The following TEX14 variants were observed in gnomAD, a reference collection of about 807,000 sequenced individuals.
TEX14 encodes testis expressed 14, intercellular bridge forming factor, also known as inactive serine/threonine-protein kinase TEX14.
A neutral mutation model predicts 178.6 loss-of-function variants in TEX14; 168 were observed. The ratio of observed to expected loss-of-function variants is 0.94; its 90% CI spans 0.83 to 1.07. The LOEUF (loss-of-function observed/expected upper bound fraction) is 1.07. Ranked by LOEUF, TEX14 falls within the 50% of genes least tolerant of loss-of-function variation. The pLI, the probability that TEX14 is intolerant of heterozygous loss-of-function variation, is 0.00. For synonymous variants in TEX14, 626 were observed against 634.1 expected (o/e 0.99, Z 0.19); for missense variants, 1,730 against 1,753.6 (o/e 0.99, Z 0.24).
intron 1 of TEX14, among the ~76,000 whole-genome samples, chr17:58,672,965 C>G (rs1013346647): frequency 6.6e-6 from 1 of 151,854 alleles, no homozygotes; most frequent in African/African-American, 2.4e-5. Flanking sequence ...CTCCTGACCT[C>G]AAGTGATCTG....
At chr17:58,609,156 C>A (rs1313442766) in intron 10 of TEX14, among the ~76,000 whole-genome samples, 6 of 152,168 alleles carry the variant, frequency 3.9e-5, no homozygotes, top group Non-Finnish European at 8.8e-5. Flanking sequence ...GTCGCCCAGG[C>A]TGGAGTGCAG....
chr17:58,597,736 T>C (rs1173439793), intron 14 of TEX14, among the ~76,000 whole-genome samples: 1 of 152,160 alleles, frequency 6.6e-6, no homozygotes, highest in Non-Finnish European at 1.5e-5. Flanking sequence ...CTTGTTCAAA[T>C]TCATTAATTC....
intron 1 of TEX14, chr17:58,660,812 C>A: frequency 2.6e-6 from 2 of 782,422 alleles, no homozygotes; most frequent in East Asian, 4.8e-5. Flanking sequence ...GGAAGCCAGA[C>A]TTGGATAGCC....
At chr17:58,595,744 T>G (rs1483288943) in intron 14 of TEX14, among the ~76,000 whole-genome samples, 3 of 152,214 alleles carry the variant, frequency 2.0e-5, no homozygotes, top group African/African-American at 7.2e-5. Flanking sequence ...AATGGCCATG[T>G]GGAACAGAAG....
intron 16 of TEX14, 79 bp downstream of exon 16, chr17:58,587,817 C>T: frequency 7.7e-7 from 1 of 1,294,198 alleles, no homozygotes; most frequent in Non-Finnish European, 1.1e-6. Context: ...TGCACTGACC[C>T]CTTTGCACCA....
chr17:58,631,152 G>T, intron 2 of TEX14: 1 of 984,874 alleles, frequency 1.0e-6, no homozygotes, highest in Non-Finnish European at 1.2e-6. Context: ...AAAACACCAA[G>T]AAATACAAAA....
At position 58,611,252 on chromosome 17, in the gene TEX14, C is replaced by G. The variant is rs202097168; in HGVS notation, c.1093G>C (p.Gly365Arg). Residue 365 changes from glycine to arginine, a missense_variant, in exon 10 of 32, where the codon GGG becomes CGG. By Grantham distance (125) the Gly-to-Arg change is moderately radical. This residue lies in a region of TEX14 where 789 missense variants were observed against 681.2 expected (regional missense o/e 1.16). Transcript: ENST00000349033. The part of the protein sequence containing the change: ...SDALRYLHFQ[G>R]FIHRSLSSYA... ...GAGCTGAGGGAGCGGTGGATAAACC[C>G]CTGGAAATGCAGGTATCTCAGGGCA... The G allele has an allele frequency of 5.0e-6, 8 of 1,613,590 alleles. No homozygotes were observed. In the African/African-American group the frequency reaches 1.1e-4, roughly 22 times the overall value.
chr17:58,584,681 G>T, intron 18 of TEX14, 81 bp from the exon 19 acceptor site: 2 of 1,135,898 alleles, frequency 1.8e-6, no homozygotes, highest in South Asian at 2.5e-5. Flanking sequence ...TGGCATGAAA[G>T]AAGAGATGTA....
chr17:58,614,591 T>C (rs886806553), intron 8 of TEX14, among the ~76,000 whole-genome samples: 1 of 152,254 alleles, frequency 6.6e-6, no homozygotes, highest in Non-Finnish European at 1.5e-5. Flanking sequence ...CCAGGCTCCT[T>C]CTTTCAGCTT....
chr17:58,636,037 G>A (rs1201850168), intron 2 of TEX14, among the ~76,000 whole-genome samples: 4 of 152,082 alleles, frequency 2.6e-5, no homozygotes, highest in South Asian at 2.1e-4. Flanking sequence ...GAGCCACCGC[G>A]TCCCAAGGGC....
In TEX14 at chr17:58,611,358, ATGCC is replaced by A; in HGVS notation, c.1006-23_1006-20del. ...GGGACCGCTGCAAGCAAGAGATGAA[ATGCC>A]ACGAAAAAAAAAAGGACTGGGGCCC... is the stretch of plus-strand genomic sequence containing the variant. On this transcript the variant is annotated intron_variant, in intron 9 of 31. Transcript: ENST00000349033. 1 of 1,594,700 alleles carries A rather than the reference ATGCC, an allele frequency of 6.3e-7. No homozygotes were observed. Among genetic ancestry groups the A allele is most frequent in the Non-Finnish European group, 8.6e-7 (1 of 1,166,706 alleles).
intron 6 of TEX14, among the ~76,000 whole-genome samples, chr17:58,617,230 AAC>A (rs1430171200): frequency 6.6e-6 from 1 of 152,210 alleles, no homozygotes; most frequent in African/African-American, 2.4e-5. Flanking sequence ...CAGCCTGGGC[AAC>A]AGAGCCAGAC....
chr17:58,587,773 ACCTGTTCCCTACTC>A (rs1358546791), intron 16 of TEX14, 107 bp from the exon 17 acceptor site: 8 of 1,145,294 alleles, frequency 7.0e-6, no homozygotes, highest in African/African-American at 3.1e-5. Context: ...CATCCAGAGG[ACCTGTTCCCTACTC>A]CCTAAGCCAT....
At chr17:58,676,875 A>G (rs948311947) in intron 1 of TEX14, among the ~76,000 whole-genome samples, 4 of 152,074 alleles carry the variant, frequency 2.6e-5, no homozygotes, top group East Asian at 3.9e-4. Context: ...TCACGCCTGT[A>G]ATCCCAGTAC....
chr17:58,674,922 C>T (rs2047369851), intron 1 of TEX14, among the ~76,000 whole-genome samples: 1 of 149,526 alleles, frequency 6.7e-6, no homozygotes, highest in Non-Finnish European at 1.5e-5. Flanking sequence ...AGGGGGGGTG[C>T]ATCACTTGAA....
chr17:58,686,415 G>C (rs895603785), intron 1 of TEX14, among the ~76,000 whole-genome samples: 3 of 152,158 alleles, frequency 2.0e-5, no homozygotes, highest in African/African-American at 7.2e-5. Context: ...CAAGGTTCTG[G>C]GAATGGGGTG....
intron 8 of TEX14, 106 bp from the exon 9 acceptor site, chr17:58,613,650 G>T: frequency 4.1e-6 from 5 of 1,217,710 alleles, no homozygotes; most frequent in Non-Finnish European, 5.8e-6. Context: ...ATTTGTATAC[G>T]ATGTTTTCTT....
chr17:58,645,508 G>A (rs1313662237), intron 2 of TEX14, among the ~76,000 whole-genome samples: 4 of 151,988 alleles, frequency 2.6e-5, no homozygotes, highest in East Asian at 1.9e-4. Flanking sequence ...ATAGGCGCCC[G>A]CCACCGCGCC....
intron 2 of TEX14, among the ~76,000 whole-genome samples, chr17:58,645,011 A>C (rs1251167784): frequency 7.6e-6 from 1 of 132,024 alleles, no homozygotes; most frequent in South Asian, 2.4e-4. Context: ...TTTGAGATGG[A>C]GTCTCGCTCT....
Sources: gnomAD v4.1 joint callset for allele counts (sites outside exome capture counted in the v4.1 genomes callset) on GRCh38, gnomAD v4.1.1 for gene constraint, gnomAD v4.1.1 regional missense constraint, MANE v1.5 for transcripts, NCBI Gene and HGNC (gene_info 2026-07-23, HGNC 2026-07-21) for gene names.